The following PPM1G variants were observed in gnomAD, a reference collection of about 807,000 sequenced individuals.
PPM1G encodes protein phosphatase 1G.
Under a neutral mutation model 59.4 loss-of-function variants are expected in PPM1G, and 12 were observed. That is an observed-to-expected ratio of 0.20 (90% CI 0.13 to 0.33). PPM1G has a LOEUF of 0.33. PPM1G is among the 10% of genes least tolerant of loss of function. The probability of loss-of-function intolerance (pLI) is 1.00; values close to 1 mark genes in which losing one functional copy is unlikely to be tolerated. For missense variants in PPM1G, 392 were observed against 681.3 expected (o/e 0.58, Z 4.73); for synonymous variants, 245 against 251.9 (o/e 0.97, Z 0.26).
chr2:27,395,377 C>T (rs373586792), intron 1 of PPM1G, among the ~76,000 whole-genome samples: 2 of 151,614 alleles, frequency 1.3e-5, no homozygotes, highest in South Asian at 2.1e-4. Context: ...ACTAAAAATA[C>T]AAAAATAACT....
intron 1 of PPM1G, chr2:27,393,182 CTCA>C: frequency 2.0e-6 from 3 of 1,512,552 alleles, no homozygotes; most frequent in Non-Finnish European, 2.7e-6. Flanking sequence ...GTTCCCTCTC[CTCA>C]TGAGATTGGT....
chr2:27,387,254 C>A, intron 1 of PPM1G, 96 bp from the exon 2 acceptor site: 2 of 976,334 alleles, frequency 2.0e-6, no homozygotes, highest in East Asian at 2.5e-5. Context: ...CTTTCCCTGG[C>A]TGGCCTATAT....
At chr2:27,403,253 C>T (rs1392710694) in intron 1 of PPM1G, among the ~76,000 whole-genome samples, 1 of 150,650 alleles carries the variant, frequency 6.6e-6, no homozygotes, top group African/African-American at 2.4e-5. Flanking sequence ...AGACCAGACT[C>T]GCCAGCATGG....
rs531478784 is a variant in PPM1G, at chr2:27,402,977, TG to T, written c.120+6325del. Among the ~76,000 whole-genome samples, 580 of 149,686 alleles carry T rather than the reference TG, an allele frequency of 3.9e-3. 7 individuals are homozygous for T. Among genetic ancestry groups the T allele is most frequent in the African/African-American group, 0.013 (547 of 40,974 alleles). On this transcript the variant is annotated intron_variant, in intron 1 of 9. Transcript: ENST00000344034. ...GCATGTGCCTATATTAGGCTGAGGC[TG>T]GAAGACCCCTTGAGCCCAGAAGGCT...
chr2:27,403,858 G>A (rs1295655436), intron 1 of PPM1G, among the ~76,000 whole-genome samples: 1 of 151,666 alleles, frequency 6.6e-6, no homozygotes, highest in Non-Finnish European at 1.5e-5. Context: ...TAGACTGGGT[G>A]ACAGAGACTC....
chr2:27,389,610 G>C (rs1360865744), intron 1 of PPM1G, among the ~76,000 whole-genome samples: 3 of 152,068 alleles, frequency 2.0e-5, no homozygotes, highest in Non-Finnish European at 4.4e-5. Flanking sequence ...ACCCAACCTT[G>C]TATAACCCCA....
intron 1 of PPM1G, among the ~76,000 whole-genome samples, chr2:27,402,806 CAATAAATA>C (rs201750083): frequency 0.035 from 4,964 of 140,830 alleles, 174 homozygotes; most frequent in African/African-American, 0.069. Flanking sequence ...GACTCCATCT[CAATAAATA>C]AATAAATAAA....
At chr2:27,381,922 G>A in intron 9 of PPM1G, 117 bp from the exon 10 acceptor site, 2 of 1,112,860 alleles carry the variant, frequency 1.8e-6, no homozygotes, top group Admixed American at 2.0e-5. Context: ...ATGGGCAAGA[G>A]GTATCACACA....
At chr2:27,397,960 A>G (rs1083865) in intron 1 of PPM1G, among the ~76,000 whole-genome samples, 71,671 of 152,106 alleles carry the variant, frequency 0.47, 18,617 homozygotes, top group African/African-American at 0.69. Context: ...TCAGTCAGCC[A>G]GGCACGGTGG....
intron 1 of PPM1G, among the ~76,000 whole-genome samples, chr2:27,406,039 C>T (rs899681743): frequency 2.6e-5 from 4 of 152,038 alleles, no homozygotes; most frequent in African/African-American, 9.7e-5. Context: ...AACAACAACA[C>T]CCTGGTCACA....
At chr2:27,408,778 A>G (rs1663439953) in intron 1 of PPM1G, among the ~76,000 whole-genome samples, 1 of 152,196 alleles carries the variant, frequency 6.6e-6, no homozygotes, top group African/African-American at 2.4e-5. Context: ...ATTAACATGC[A>G]AGAGCCCAAG....
intron 1 of PPM1G, among the ~76,000 whole-genome samples, chr2:27,408,602 A>G (rs1272786122): frequency 8.0e-6 from 1 of 124,328 alleles, no homozygotes; most frequent in Non-Finnish European, 1.7e-5. Context: ...GGCAAATGAG[A>G]ATTACTGATT....
chr2:27,390,501 G>C (rs1326386290), intron 1 of PPM1G, among the ~76,000 whole-genome samples: 1 of 152,106 alleles, frequency 6.6e-6, no homozygotes, highest in Non-Finnish European at 1.5e-5. Context: ...AAGGCAGGAG[G>C]ACTGCTTGAG....
chr2:27,385,905 A>G lies in PPM1G; in HGVS notation c.277-26T>C. ...CTGAATATAAGCAAAATAGTCTAAG[A>G]CTAGTACAAAATGAACTCCCTATAT... On this transcript the variant is annotated intron_variant, in intron 3 of 9. Transcript: ENST00000344034. This position sits in a 1 kb window ranked among gnomAD's most constrained non-coding sequence, Gnocchi z 4.1. 6.2e-7 allele frequency: 1 copy of G among 1,603,552 alleles called. No individual in the cohort carries two copies. The highest frequency in any genetic ancestry group is 1.1e-5 in the South Asian group (1 of 89,170).
At position 27,382,334 on chromosome 2, in the gene PPM1G, C is replaced by A; in HGVS notation, c.1332-106G>T. 4 of 1,553,602 alleles carry A rather than the reference C, an allele frequency of 2.6e-6. No homozygotes were observed. Among genetic ancestry groups the A allele is most frequent in the South Asian group, 1.1e-5 (1 of 87,928 alleles). ...GCCAGTGTAAATAACTACAGAAATTCTCAGCTCTGCCTTAGTCTGGGTGCT... is the reference window on the plus strand; with the variant it reads ...GCCAGTGTAAATAACTACAGAAATTATCAGCTCTGCCTTAGTCTGGGTGCT... On this transcript the variant is annotated intron_variant, in intron 8 of 9. Coordinates refer to ENST00000344034, the MANE Select transcript of PPM1G (RefSeq NM_177983.3). This position sits in a 1 kb window ranked among gnomAD's most constrained non-coding sequence, Gnocchi z 4.2.
In PPM1G at chr2:27,382,411, C is replaced by T; in HGVS notation, c.1331+65G>A. 1 of 1,604,670 alleles carries T rather than the reference C, an allele frequency of 6.2e-7. No individual in the cohort carries two copies. The highest frequency in any genetic ancestry group is 8.5e-7 in the Non-Finnish European group (1 of 1,175,230). ...GCCTAGGCTCTAATCCTAGAGGTGC[C>T]CTGAGTCCTATAAGAGAAGACATGC... is the stretch of plus-strand genomic sequence containing the variant. On this transcript the variant is annotated intron_variant, in intron 8 of 9. Transcript: ENST00000344034. This position sits in a 1 kb window ranked among gnomAD's most constrained non-coding sequence, Gnocchi z 4.2.
chr2:27,386,146 AG>A, intron 3 of PPM1G, 47 bp downstream of exon 3: 1 of 1,524,210 alleles, frequency 6.6e-7, no homozygotes, highest in Non-Finnish European at 9.1e-7. Context: ...CTAGAGAACA[AG>A]GGAAAAGCCT....
At chr2:27,399,729 G>A (rs1684139993) in intron 1 of PPM1G, among the ~76,000 whole-genome samples, 2 of 152,178 alleles carry the variant, frequency 1.3e-5, no homozygotes, top group African/African-American at 4.8e-5. Flanking sequence ...AAAAAAGGTG[G>A]ATAAGTGTAG....
chr2:27,383,274 G>T lies in PPM1G; in HGVS notation c.1201+92C>A. 1 of 1,127,830 alleles carries T rather than the reference G, an allele frequency of 8.9e-7. No homozygotes were observed. Among genetic ancestry groups the T allele is most frequent in the Non-Finnish European group, 1.3e-6 (1 of 761,940 alleles). The allele number at this position is 1,127,830 out of a possible 1,614,324, so 69.9% of individuals were successfully genotyped here. On this transcript the variant is annotated intron_variant, in intron 7 of 9. Transcript: ENST00000344034. This position sits in a 1 kb window ranked among gnomAD's most constrained non-coding sequence, Gnocchi z 5.0. ...AGTAGATATTAAAGTGCTTTGAAAGGCACAAGCACTAGGAAGATTAAAGTT... is the reference window on the plus strand; with the variant it reads ...AGTAGATATTAAAGTGCTTTGAAAGTCACAAGCACTAGGAAGATTAAAGTT...
Sources: gnomAD v4.1 joint callset for allele counts (sites outside exome capture counted in the v4.1 genomes callset) on GRCh38, gnomAD v4.1.1 for gene constraint, Gnocchi (gnomAD v3.1) non-coding constraint, MANE v1.5 for transcripts, NCBI Gene and HGNC (gene_info 2026-07-23, HGNC 2026-07-21) for gene names.